CDC14B: variants seen among roughly 807,000 people sequenced by gnomAD.
CDC14B encodes the protein cell division cycle 14B.
A neutral mutation model predicts 64.2 loss-of-function variants in CDC14B; 22 were observed. The observed-to-expected ratio is 0.34, with a 90% CI of 0.24 to 0.49. CDC14B has a LOEUF of 0.49. Among genes scored for constraint, CDC14B ranks in the 20% least tolerant of loss-of-function variants. CDC14B has a pLI of 0.99. For missense variants in CDC14B, 498 were observed against 629.9 expected, an observed-to-expected ratio of 0.79 and a Z score of 2.24; for synonymous variants, 191 against 215.8, an observed-to-expected ratio of 0.89 and a Z score of 1.01.
In CDC14B at chr9:96,502,326, CT is replaced by C. The variant is rs1460791246; in HGVS notation, c.*1426del. 6.6e-6 allele frequency: 1 copy of C among 152,248 alleles called. No individual in the cohort carries two copies. Among genetic ancestry groups the C allele is most frequent in the Non-Finnish European group, 1.5e-5 (1 of 68,054 alleles). The allele number at this position is 152,248 out of a possible 1,614,324, so 9.4% of individuals were successfully genotyped here. ...AAATGGAGGCACTGCCTTTCAATTACTTTTTGCATTAAAGACTTTTAACTTG... is the reference window on the plus strand; with the variant it reads ...AAATGGAGGCACTGCCTTTCAATTACTTTTGCATTAAAGACTTTTAACTTG... On this transcript the variant is annotated 3_prime_UTR_variant, in exon 14 of 14. Transcript: ENST00000375241.
intron 1 of CDC14B, among the ~76,000 whole-genome samples, chr9:96,610,458 A>G (rs1847241626): frequency 6.6e-6 from 1 of 152,112 alleles, no homozygotes; most frequent in African/African-American, 2.4e-5. Context: ...TCGGCCTCCT[A>G]AAGTGCTGGG....
At chr9:96,560,207 G>A (rs1345279824) in intron 4 of CDC14B, among the ~76,000 whole-genome samples, 3 of 152,156 alleles carry the variant, frequency 2.0e-5, no homozygotes, top group African/African-American at 7.2e-5. Flanking sequence ...TCTGACCAGA[G>A]ACAGCAATTG....
intron 12 of CDC14B, chr9:96,514,557 T>C (rs1835352106): frequency 1.0e-6 from 1 of 985,358 alleles, no homozygotes; most frequent in Admixed American, 6.1e-5. Context: ...CTTTCTCAGC[T>C]ATGTGAAAAT....
intron 1 of CDC14B, among the ~76,000 whole-genome samples, chr9:96,599,139 G>A (rs1427705505): frequency 6.6e-6 from 1 of 152,136 alleles, no homozygotes; most frequent in African/African-American, 2.4e-5. Flanking sequence ...CAGCACTTTG[G>A]GAGGCCAAGG....
chr9:96,495,214 G>C (rs534293261), downstream of CDC14B, among the ~76,000 whole-genome samples: 1 of 152,148 alleles, frequency 6.6e-6, no homozygotes, highest in African/African-American at 2.4e-5. Flanking sequence ...CATTTGTAAG[G>C]TAAGGAGTGC....
chr9:96,523,244 A>T lies in CDC14B; in HGVS notation c.1245+17T>A, dbSNP rs1329579904. ...GTTAAAGCAGTAACAACATCGCAAC[A>T]GAAACGGCTTGATTACCGGTTCGGG... On this transcript the variant is annotated intron_variant, in intron 11 of 13. Transcript: ENST00000375241. 6.2e-7 allele frequency: 1 copy of T among 1,613,140 alleles called. No individual in the cohort carries two copies. Among genetic ancestry groups the T allele is most frequent in the East Asian group, 2.2e-5 (1 of 44,876 alleles).
intron 4 of CDC14B, among the ~76,000 whole-genome samples, chr9:96,554,176 C>CA (rs1016258915): frequency 6.6e-5 from 10 of 151,544 alleles, no homozygotes; most frequent in South Asian, 2.1e-4. Flanking sequence ...AAGGCAAAAA[C>CA]AAAAAAACAA....
chr9:96,556,644 G>A (rs1842539684), intron 4 of CDC14B, among the ~76,000 whole-genome samples: 1 of 152,068 alleles, frequency 6.6e-6, no homozygotes, highest in African/African-American at 2.4e-5. Context: ...GAAACTGGAA[G>A]TTCAGAGTAG....
In CDC14B at chr9:96,504,102, A is replaced by T. The variant is rs190899700; in HGVS notation, c.1461-313T>A. ...GCAGCAGGGCCAGGAAAGTACCATG[A>T]CGCCGCCAGGGGCACGTGCTGCAAA... On this transcript the variant is annotated intron_variant, in intron 13 of 13. Coordinates refer to ENST00000375241, the MANE Select transcript of CDC14B (RefSeq NM_033331.4). Among the ~76,000 whole-genome samples, 216 of 152,292 alleles carry T rather than the reference A, an allele frequency of 1.4e-3. 1 individual carries two copies. Among genetic ancestry groups the T allele is most frequent in the Non-Finnish European group, 6.9e-4 (47 of 68,024 alleles).
chr9:96,494,880 G>C (rs923305236), intron 13 of CDC14B, among the ~76,000 whole-genome samples: 1 of 149,588 alleles, frequency 6.7e-6, no homozygotes, highest in Non-Finnish European at 1.5e-5. Context: ...TGTCGCCCAG[G>C]CTGCAGTGCA....
downstream of CDC14B, among the ~76,000 whole-genome samples, chr9:96,498,747 A>G (rs1029634383): frequency 6.6e-6 from 1 of 152,348 alleles, no homozygotes; most frequent in Admixed American, 6.5e-5. Context: ...AGCACTTTCC[A>G]CGTGTTATTT....
chr9:96,525,211 T>C (rs1280252774), intron 9 of CDC14B, among the ~76,000 whole-genome samples: 2 of 151,974 alleles, frequency 1.3e-5, no homozygotes, highest in Non-Finnish European at 2.9e-5. Flanking sequence ...AGAGATTACC[T>C]AGACTTAATC....
intron 4 of CDC14B, among the ~76,000 whole-genome samples, chr9:96,555,093 G>A (rs1352812907): frequency 6.6e-6 from 1 of 152,198 alleles, no homozygotes; most frequent in Non-Finnish European, 1.5e-5. Flanking sequence ...CTGACCAGCT[G>A]TGATCGCCAG....
chr9:96,601,675 C>A (rs1846468625), intron 1 of CDC14B, among the ~76,000 whole-genome samples: 1 of 151,398 alleles, frequency 6.6e-6, no homozygotes, highest in African/African-American at 2.4e-5. Flanking sequence ...CGCCTGCAGT[C>A]CCAGCTACTC....
chr9:96,564,758 C>A lies in CDC14B; in HGVS notation c.327+19G>T. On this transcript the variant is annotated intron_variant, in intron 3 of 13. Transcript: ENST00000375241. ...TCAAGCTAACAATGATTACTTAAGT[C>A]AAATCTTAAAGACTTTACCTTTAAT... The A allele has an allele frequency of 1.3e-6, 2 of 1,490,196 alleles. No individual in the cohort carries two copies. Among genetic ancestry groups the A allele is most frequent in the South Asian group, 1.2e-5 (1 of 81,802 alleles). 92.3% of individuals were successfully genotyped at this position (1,490,196 alleles called of 1,614,324 possible). A position where few individuals can be genotyped will look rare whatever the true frequency, so the allele number is the denominator to read the frequency against.
intron 1 of CDC14B, chr9:96,567,050 A>C: frequency 3.7e-6 from 4 of 1,077,814 alleles, no homozygotes; most frequent in South Asian, 1.9e-5. Flanking sequence ...GACGGACAGC[A>C]CCCCGCCCCA....
intron 5 of CDC14B, among the ~76,000 whole-genome samples, chr9:96,550,331 T>G (rs1841620422): frequency 6.6e-6 from 1 of 152,244 alleles, no homozygotes; most frequent in Non-Finnish European, 1.5e-5. Context: ...TCACAATTTT[T>G]CATGCAGCGT....
intron 1 of CDC14B, among the ~76,000 whole-genome samples, chr9:96,580,617 A>T (rs1845088021): frequency 6.6e-6 from 1 of 152,188 alleles, no homozygotes; most frequent in Non-Finnish European, 1.5e-5. Context: ...TTATGCATGT[A>T]ACCGGTAACC....
intron 5 of CDC14B, among the ~76,000 whole-genome samples, chr9:96,543,007 C>CA (rs1439095829): frequency 1.4e-5 from 2 of 148,104 alleles, no homozygotes; most frequent in Non-Finnish European, 3.0e-5. Context: ...GACTCTATCT[C>CA]AAAAAACAAA....
Sources: allele counts gnomAD v4.1 joint callset (sites outside exome capture counted in the v4.1 genomes callset), GRCh38; gene constraint gnomAD v4.1.1; transcripts MANE v1.5; gene names NCBI Gene and HGNC (gene_info 2026-07-23, HGNC 2026-07-21).